Variants in METTL9 observed in about 807,000 individuals in gnomAD.
The protein encoded by METTL9 is methyltransferase 9, His-X-His N1(pi)-histidine, also known as protein-L-histidine N-pros-methyltransferase.
A neutral mutation model predicts 36.0 loss-of-function variants in METTL9; 10 were observed. The ratio of observed to expected loss-of-function variants is 0.28; its 90% CI spans 0.17 to 0.47. The LOEUF (loss-of-function observed/expected upper bound fraction) is 0.47, where lower values mean the gene tolerates loss of function less well. Among genes scored for constraint, METTL9 ranks in the 20% least tolerant of loss-of-function variants. The pLI, the probability that METTL9 is intolerant of heterozygous loss-of-function variation, is 0.99. For synonymous variants in METTL9, 175 were observed against 149.7 expected, an observed-to-expected ratio of 1.17 and a Z score of -1.23; for missense variants, 246 against 383.5, an observed-to-expected ratio of 0.64 and a Z score of 3.00.
At chr16:21,627,562 G>A (rs1965843209) in intron 4 of METTL9, 1 of 180,478 alleles carries the variant, frequency 5.5e-6, no homozygotes, top group Admixed American at 6.5e-5. Flanking sequence ...AAAATTTAAT[G>A]ATGTTTAATT....
rs540704805 is a variant in METTL9 at position 21,623,896 on chromosome 16, G to A, written c.567-1035G>A. Among the ~76,000 whole-genome samples the A allele has an allele frequency of 2.6e-5, 4 of 152,000 alleles. No homozygotes were observed. In the East Asian group the frequency reaches 5.8e-4, roughly 22 times the overall value. On this transcript the variant is annotated intron_variant, in intron 3 of 4. Transcript: ENST00000358154. ...AGCGATTCTCCTACCTCAGCCTCCC[G>A]GGTAGCTGGGATTACAGGCACGCGC...
chr16:21,649,394 C>T (rs1184126125), intron 4 of METTL9, among the ~76,000 whole-genome samples: 5 of 152,116 alleles, frequency 3.3e-5, no homozygotes, highest in Non-Finnish European at 7.4e-5. Context: ...GGTGCAGTCA[C>T]CTGGAGGAGG....
At chr16:21,605,761 A>AT (rs965455986) in intron 1 of METTL9, among the ~76,000 whole-genome samples, 1 of 152,024 alleles carries the variant, frequency 6.6e-6, no homozygotes, top group African/African-American at 2.4e-5. Flanking sequence ...ATGTATTGTC[A>AT]TTTTTTCCTG....
chr16:21,651,467 A>G (rs534233036), intron 4 of METTL9, among the ~76,000 whole-genome samples: 1 of 149,938 alleles, frequency 6.7e-6, no homozygotes, highest in Admixed American at 6.7e-5. Flanking sequence ...ACGCCCAGCT[A>G]TTTTTTTTTC....
In METTL9 at chr16:21,599,893, C is replaced by T; in HGVS notation, c.160C>T (p.His54Tyr). ...AAAAGGRKEN[H>Y]QWYVCNREKL... is the part of the protein sequence containing the mutation. The stretch of plus-strand genomic sequence containing the variant: ...GGCCGCGGGCGGCAGGAAGGAGAAC[C>T]ACCAGGTACGGGCTGGGGCCGGGGC... Residue 54 changes from histidine (H) to tyrosine (Y), a missense_variant, in exon 1 of 5, where the codon CAC becomes TAC. His to Tyr is a moderately conservative substitution (Grantham distance 83, BLOSUM62 2). Transcript: ENST00000358154. This position sits in a 1 kb window ranked among gnomAD's most constrained non-coding sequence, Gnocchi z 4.4. 1 of 1,455,188 alleles carries T rather than the reference C, an allele frequency of 6.9e-7. No homozygotes were observed. The highest frequency in any genetic ancestry group is 9.0e-7 in the Non-Finnish European group (1 of 1,105,988). 90.1% of individuals were successfully genotyped at this position (1,455,188 alleles called of 1,614,324 possible).
intron 4 of METTL9, among the ~76,000 whole-genome samples, chr16:21,628,697 C>A (rs969381089): frequency 6.6e-6 from 1 of 151,910 alleles, no homozygotes. Context: ...CGTCTGGCGG[C>A]GTTGTCCAGG....
At chr16:21,634,490 C>T (rs909814055) in intron 4 of METTL9, among the ~76,000 whole-genome samples, 48 of 152,132 alleles carry the variant, frequency 3.2e-4, no homozygotes, top group African/African-American at 1.1e-3. Flanking sequence ...CAAGCCCTAC[C>T]GGGTGATTGA....
At position 21,655,527 on chromosome 16, in the gene METTL9, G is replaced by A; in HGVS notation, c.*95G>A. The A allele has an allele frequency of 9.8e-7, 1 of 1,018,954 alleles. No homozygotes were observed. Among genetic ancestry groups the A allele is most frequent in the South Asian group, 1.6e-5 (1 of 62,690 alleles). 63.1% of individuals were successfully genotyped at this position (1,018,954 alleles called of 1,614,324 possible). On this transcript the variant is annotated 3_prime_UTR_variant, in exon 5 of 5. Coordinates refer to ENST00000358154, the MANE Select transcript of METTL9 (RefSeq NM_016025.5). ...ACAATTACGTGAAGGGAGGACCCTT[G>A]GGGACCGCCATTCTAAATATCATGT...
chr16:21,644,268 C>A (rs1474677927), intron 4 of METTL9: 11 of 1,482,924 alleles, frequency 7.4e-6, no homozygotes, highest in Admixed American at 1.7e-5. Context: ...AGGGACATTC[C>A]ATGCAAGAGG....
intron 1 of METTL9, among the ~76,000 whole-genome samples, chr16:21,608,339 T>G (rs1355844690): frequency 1.3e-5 from 2 of 152,176 alleles, no homozygotes; most frequent in East Asian, 3.9e-4. Flanking sequence ...TATTTCACCT[T>G]AAGGGCAAGG....
At chr16:21,633,098 G>T (rs569547525) in intron 4 of METTL9, among the ~76,000 whole-genome samples, 1 of 152,102 alleles carries the variant, frequency 6.6e-6, no homozygotes, top group Admixed American at 6.6e-5. Context: ...GCAAAAGCCC[G>T]TGATTCCAAG....
intron 4 of METTL9, among the ~76,000 whole-genome samples, chr16:21,626,100 C>T (rs1160945303): frequency 4.6e-5 from 7 of 152,056 alleles, no homozygotes; most frequent in African/African-American, 1.4e-4. Flanking sequence ...GATGGGGTTT[C>T]GCCATGTTGA....
intron 1 of METTL9, among the ~76,000 whole-genome samples, chr16:21,605,027 A>G (rs980208047): frequency 7.9e-5 from 12 of 152,088 alleles, no homozygotes; most frequent in Admixed American, 1.3e-4. Flanking sequence ...TATTATCCCC[A>G]GTAGTCCACA....
At chr16:21,605,370 T>C (rs543001681) in intron 1 of METTL9, among the ~76,000 whole-genome samples, 1 of 138,976 alleles carries the variant, frequency 7.2e-6, no homozygotes, top group East Asian at 2.4e-4. Context: ...AGCCTCAAAC[T>C]CCTGGCCTCA....
Position 21,599,908 on chromosome 16 carries a change from GGGGCCGGGGCC to G in METTL9, c.165+14_165+24del. On this transcript the variant is annotated intron_variant, in intron 1 of 4. Transcript: ENST00000358154. The surrounding 1 kb of genome is among the most constrained non-coding windows in gnomAD (Gnocchi z 4.4). The stretch of plus-strand genomic sequence containing the variant: ...GAAGGAGAACCACCAGGTACGGGCT[GGGGCCGGGGCC>G]GGGGCGGGGGCGTGGCGGCCCGGCC... 1 of 1,368,706 alleles carries G rather than the reference GGGGCCGGGGCC, an allele frequency of 7.3e-7. No homozygotes were observed. Among genetic ancestry groups the G allele is most frequent in the Non-Finnish European group, 9.4e-7 (1 of 1,064,576 alleles). The allele number at this position is 1,368,706 out of a possible 1,614,324, so 84.8% of individuals were successfully genotyped here. A position where few individuals can be genotyped will look rare whatever the true frequency, so the allele number is the denominator to read the frequency against.
At chr16:21,616,894 CAT>C (rs1224758820) in intron 2 of METTL9, among the ~76,000 whole-genome samples, 1 of 152,064 alleles carries the variant, frequency 6.6e-6, no homozygotes, top group Non-Finnish European at 1.5e-5. Context: ...AACTGATAAA[CAT>C]GTTTTCTGTT....
chr16:21,635,153 C>A (rs1966057167), intron 4 of METTL9, among the ~76,000 whole-genome samples: 1 of 152,124 alleles, frequency 6.6e-6, no homozygotes, highest in Admixed American at 6.5e-5. Flanking sequence ...TGCCCTAGAC[C>A]CTGTAGGACA....
chr16:21,650,170 C>T (rs1019759542), intron 4 of METTL9, among the ~76,000 whole-genome samples: 16 of 151,728 alleles, frequency 1.1e-4, no homozygotes, highest in South Asian at 2.1e-4. Flanking sequence ...AGAGTCTGGA[C>T]GTGCACTCCA....
intron 1 of METTL9, among the ~76,000 whole-genome samples, chr16:21,606,104 A>G (rs1965279790): frequency 6.6e-6 from 1 of 152,118 alleles, no homozygotes; most frequent in Non-Finnish European, 1.5e-5. Context: ...TGGGAGGCTG[A>G]GGTGGGTGGA....
Sources: allele counts gnomAD v4.1 joint callset (sites outside exome capture counted in the v4.1 genomes callset), GRCh38; gene constraint gnomAD v4.1.1; non-coding constraint Gnocchi (gnomAD v3.1); transcripts MANE v1.5; gene names NCBI Gene and HGNC (gene_info 2026-07-23, HGNC 2026-07-21).